Variants in CMIP observed in about 807,000 individuals in gnomAD.
The protein encoded by CMIP is C-Maf-inducing protein.
In CMIP, 13 loss-of-function variants were observed where a neutral mutation model predicts 97.3. The observed-to-expected ratio is 0.13, with a 90% CI of 0.09 to 0.21. The LOEUF (loss-of-function observed/expected upper bound fraction) is 0.21, where lower values mean the gene tolerates loss of function less well. Among genes scored for constraint, CMIP ranks in the 10% least tolerant of loss-of-function variants. The pLI is 1.00. For missense variants in CMIP, 847 were observed against 1,024.9 expected, an observed-to-expected ratio of 0.83 and a Z score of 2.37; for synonymous variants, 538 against 436.3, an observed-to-expected ratio of 1.23 and a Z score of -2.91.
chr16:81,581,838 TC>T (rs1185676940), intron 1 of CMIP, among the ~76,000 whole-genome samples: 1 of 152,186 alleles, frequency 6.6e-6, no homozygotes, highest in Non-Finnish European at 1.5e-5. Flanking sequence ...TAGTCCCTGC[TC>T]TTTTCCTTCT....
At chr16:81,696,770 G>A (rs1384777515) in intron 14 of CMIP, 103 bp downstream of exon 14, 2 of 1,104,586 alleles carry the variant, frequency 1.8e-6, no homozygotes, top group Non-Finnish European at 2.6e-6. Flanking sequence ...CAGCCCCGGA[G>A]TTTCCCGGCT....
At chr16:81,654,380 C>G (rs1369870232) in intron 4 of CMIP, among the ~76,000 whole-genome samples, 2 of 152,214 alleles carry the variant, frequency 1.3e-5, no homozygotes, top group East Asian at 3.9e-4. Flanking sequence ...GACCAGACAC[C>G]TGGCTGAGGG....
At chr16:81,628,425 T>A (rs1306443037) in intron 3 of CMIP, among the ~76,000 whole-genome samples, 2 of 152,250 alleles carry the variant, frequency 1.3e-5, no homozygotes, top group Non-Finnish European at 2.9e-5. Context: ...ACTTAACTCC[T>A]GTCCCATGCA....
At chr16:81,530,375 G>A (rs1268302271) in intron 1 of CMIP, among the ~76,000 whole-genome samples, 1 of 152,100 alleles carries the variant, frequency 6.6e-6, no homozygotes, top group Non-Finnish European at 1.5e-5. Context: ...TGTTCCTCCC[G>A]TCTCGCCTCT....
chr16:81,509,222 C>T (rs1171509534), intron 1 of CMIP, among the ~76,000 whole-genome samples: 1 of 152,192 alleles, frequency 6.6e-6, no homozygotes, highest in Non-Finnish European at 1.5e-5. Flanking sequence ...CCCCACAGGG[C>T]TCTCTTTAGC....
chr16:81,680,354 G>GA (rs1440088016), intron 10 of CMIP, among the ~76,000 whole-genome samples: 2 of 152,214 alleles, frequency 1.3e-5, no homozygotes, highest in African/African-American at 4.8e-5. Context: ...AAATGGCTGG[G>GA]AGGCACCCTG....
At chr16:81,620,786 A>C in intron 2 of CMIP, 90 bp from the exon 3 acceptor site, 1 of 1,470,864 alleles carries the variant, frequency 6.8e-7, no homozygotes, top group East Asian at 2.3e-5. Flanking sequence ...TCTACAGAGC[A>C]GGCTTGGGGG....
rs554248706 is a variant in CMIP, at chr16:81,701,433, A to G, written c.1756-227A>G. Reference sequence around the variant, plus strand: ...GTAAGCAGATGCCTGGGAGACTCCCATGTCCATTGACATTTGAACCTGGAG... The same window carrying G: ...GTAAGCAGATGCCTGGGAGACTCCCGTGTCCATTGACATTTGAACCTGGAG... On this transcript the variant is annotated intron_variant, in intron 15 of 20. Coordinates refer to ENST00000537098, the MANE Select transcript of CMIP (RefSeq NM_198390.3). Among the ~76,000 whole-genome samples the G allele has an allele frequency of 3.9e-5, 6 of 152,294 alleles. No homozygotes were observed. In the East Asian group the frequency reaches 1.2e-3, roughly 30 times the overall value.
At chr16:81,527,419 G>A (rs1291086329) in intron 1 of CMIP, among the ~76,000 whole-genome samples, 1 of 152,190 alleles carries the variant, frequency 6.6e-6, no homozygotes, top group Non-Finnish European at 1.5e-5. Flanking sequence ...GGTGGTGGGT[G>A]TAAGGGTATT....
chr16:81,613,387 A>T (rs2091863057), intron 2 of CMIP, among the ~76,000 whole-genome samples: 1 of 152,220 alleles, frequency 6.6e-6, no homozygotes, highest in Admixed American at 6.5e-5. Context: ...GTGGGGTCAG[A>T]CAGACCTGAG....
At chr16:81,487,489 C>A (rs1234979016) in intron 1 of CMIP, among the ~76,000 whole-genome samples, 1 of 152,164 alleles carries the variant, frequency 6.6e-6, no homozygotes, top group African/African-American at 2.4e-5. Flanking sequence ...AGCGGGCCGG[C>A]TTGGCGGGAA....
chr16:81,657,444 C>A (rs1163313939), intron 4 of CMIP, among the ~76,000 whole-genome samples: 1 of 152,172 alleles, frequency 6.6e-6, no homozygotes. Context: ...GCCAGATCCT[C>A]TCCCAATAGC....
chr16:81,536,286 C>T (rs1357933790), intron 1 of CMIP, among the ~76,000 whole-genome samples: 1 of 152,132 alleles, frequency 6.6e-6, no homozygotes, highest in African/African-American at 2.4e-5. Context: ...CCTTGCCTTG[C>T]TGTGGCAATT....
At chr16:81,541,608 T>C (rs1170060488) in intron 1 of CMIP, among the ~76,000 whole-genome samples, 5 of 152,218 alleles carry the variant, frequency 3.3e-5, no homozygotes, top group African/African-American at 7.2e-5. Context: ...TTATGAAATA[T>C]GAGCGTGAAG....
chr16:81,567,620 G>A (rs565639351), intron 1 of CMIP, among the ~76,000 whole-genome samples: 6 of 152,208 alleles, frequency 3.9e-5, no homozygotes, highest in African/African-American at 1.2e-4. Flanking sequence ...GGCCCCTTGC[G>A]TGGCTAGAAG....
intron 1 of CMIP, among the ~76,000 whole-genome samples, chr16:81,556,289 C>T (rs2090762552): frequency 6.6e-6 from 1 of 152,120 alleles, no homozygotes; most frequent in Non-Finnish European, 1.5e-5. Context: ...TGGCGGCGGG[C>T]ACTAGGTTGC....
chr16:81,558,281 C>A (rs2090807991), intron 1 of CMIP, among the ~76,000 whole-genome samples: 1 of 152,080 alleles, frequency 6.6e-6, no homozygotes, highest in African/African-American at 2.4e-5. Context: ...CCTCCATCAG[C>A]AGACACGAGG....
At chr16:81,507,000 C>G (rs191426684) in intron 1 of CMIP, among the ~76,000 whole-genome samples, 1 of 151,930 alleles carries the variant, frequency 6.6e-6, no homozygotes, top group East Asian at 1.9e-4. Context: ...CGCCTGTAAT[C>G]CTAACACTTT....
At chr16:81,559,055 G>A (rs1453013136) in intron 1 of CMIP, among the ~76,000 whole-genome samples, 4 of 152,226 alleles carry the variant, frequency 2.6e-5, no homozygotes, top group Non-Finnish European at 5.9e-5. Flanking sequence ...AGGCCTGGGC[G>A]CCCCTCCTGC....
Sources: gnomAD v4.1 joint callset for allele counts (sites outside exome capture counted in the v4.1 genomes callset) on GRCh38, gnomAD v4.1.1 for gene constraint, MANE v1.5 for transcripts, NCBI Gene and HGNC (gene_info 2026-07-23, HGNC 2026-07-21) for gene names.